The following AKR1C3 variants were observed in gnomAD, a reference collection of about 807,000 sequenced individuals.
AKR1C3 encodes the protein 3-alpha hydroxysteroid dehydrogenase, type II.
AKR1C3 carries 48 observed loss-of-function variants against 43.6 expected under a neutral mutation model. That is an observed-to-expected ratio of 1.10 (90% CI 0.87 to 1.40). The LOEUF is 1.40. Among genes scored for constraint, AKR1C3 ranks in the 40% most tolerant of loss-of-function variants. AKR1C3 has a pLI of 0.00. For synonymous variants in AKR1C3, 162 were observed against 139.6 expected, an observed-to-expected ratio of 1.16 and a Z score of -1.13; for missense variants, 482 against 391.2, an observed-to-expected ratio of 1.23 and a Z score of -1.96.
upstream of AKR1C3, among the ~76,000 whole-genome samples, chr10:5,091,336 C>T (rs918408947): frequency 6.6e-6 from 1 of 152,090 alleles, no homozygotes; most frequent in Admixed American, 6.6e-5. Context: ...TTAATTTTCT[C>T]GAAGTTCTGG....
chr10:5,072,837 A>G (rs2131806103), intron 1 of AKR1C3, among the ~76,000 whole-genome samples: 1 of 152,292 alleles, frequency 6.6e-6, no homozygotes, highest in Middle Eastern at 3.4e-3. Context: ...TCTCAAGAAG[A>G]TGCATGTAAG....
At chr10:5,094,223 TATA>T (rs1564367414), upstream of AKR1C3, 2 of 346,222 alleles carry the variant, frequency 5.8e-6, no homozygotes, top group East Asian at 6.9e-5. Context: ...AACCATATAT[TATA>T]ATAATTTACT....
chr10:5,084,990 G>A (rs1194949527), intron 1 of AKR1C3, among the ~76,000 whole-genome samples: 1 of 152,044 alleles, frequency 6.6e-6, no homozygotes, highest in Non-Finnish European at 1.5e-5. Context: ...GAGACAATGG[G>A]GTTTTCTAGA....
At chr10:5,069,984 A>G (rs1838585945) in intron 1 of AKR1C3, among the ~76,000 whole-genome samples, 1 of 152,186 alleles carries the variant, frequency 6.6e-6, no homozygotes, top group Non-Finnish European at 1.5e-5. Context: ...ATTGCCTTCA[A>G]TTTTCAAGGA....
At chr10:5,085,700 G>A (rs1174654333) in intron 1 of AKR1C3, among the ~76,000 whole-genome samples, 3 of 151,818 alleles carry the variant, frequency 2.0e-5, no homozygotes, top group Non-Finnish European at 4.4e-5. Context: ...GAATCCATCT[G>A]GTCCTGGACT....
intron 1 of AKR1C3, among the ~76,000 whole-genome samples, chr10:5,069,526 G>A (rs1465768528): frequency 6.6e-6 from 1 of 152,136 alleles, no homozygotes; most frequent in Non-Finnish European, 1.5e-5. Flanking sequence ...ACTGAATTAT[G>A]TGTTAACTAG....
chr10:5,062,480 C>G (rs1429952038), intron 1 of AKR1C3, among the ~76,000 whole-genome samples: 1 of 152,162 alleles, frequency 6.6e-6, no homozygotes, highest in African/African-American at 2.4e-5. Context: ...CAGGACAGAA[C>G]ATAATAATGT....
chr10:5,102,946 G>GTT (rs370945874), intron 7 of AKR1C3, among the ~76,000 whole-genome samples: 132 of 146,824 alleles, frequency 9.0e-4, no homozygotes, highest in African/African-American at 1.3e-3. Context: ...TTTGGTTTTG[G>GTT]TTTTTTTTTT....
chr10:5,103,367 T>G (rs1440141683), intron 7 of AKR1C3, among the ~76,000 whole-genome samples: 9 of 149,248 alleles, frequency 6.0e-5, no homozygotes, highest in African/African-American at 2.3e-4. Context: ...GTTGCTTGTC[T>G]TTTTTTTAAG....
Position 5,096,409 on chromosome 10 carries a change from G to C in AKR1C3, c.85-1G>C, listed in dbSNP as rs968925960. ...GATACTACCTTTGGTTGCTCCTCCA[G>C]GTTCCGAGAAGTAAAGCTTTGGAGG... On this transcript the variant is annotated splice_acceptor_variant, in intron 1 of 8. Transcript: ENST00000380554. LOFTEE classifies it high-confidence loss of function. 3.1e-6 allele frequency: 5 copies of C among 1,612,646 alleles called. No homozygotes were observed. The highest frequency in any genetic ancestry group is 8.5e-7 in the Non-Finnish European group (1 of 1,179,100).
At chr10:5,063,033 AATAG>A (rs1554780397) in intron 1 of AKR1C3, among the ~76,000 whole-genome samples, 1 of 152,190 alleles carries the variant, frequency 6.6e-6, no homozygotes, top group African/African-American at 2.4e-5. Flanking sequence ...AAGGAGAGGA[AATAG>A]ATAGTAACTA....
chr10:5,095,990 C>T (rs993703776), intron 1 of AKR1C3, among the ~76,000 whole-genome samples: 1 of 152,104 alleles, frequency 6.6e-6, no homozygotes, highest in African/African-American at 2.4e-5. Flanking sequence ...TTCCCAAATA[C>T]GATGTTGGAG....
At chr10:5,069,208 T>C (rs1405505659) in intron 1 of AKR1C3, among the ~76,000 whole-genome samples, 4 of 152,198 alleles carry the variant, frequency 2.6e-5, no homozygotes, top group East Asian at 3.9e-4. Context: ...GTAAGAAATA[T>C]TCTTTTGCAA....
intron 6 of AKR1C3, 99 bp downstream of exon 6, chr10:5,102,309 C>T: frequency 1.0e-5 from 16 of 1,582,192 alleles, no homozygotes; most frequent in Non-Finnish European, 1.4e-5. Flanking sequence ...TCAAGTGGCT[C>T]ATGGAGAGGA....
chr10:5,094,012 G>A (rs1839152197), upstream of AKR1C3: 1 of 152,992 alleles, frequency 6.5e-6, no homozygotes, highest in South Asian at 2.0e-4. Flanking sequence ...AGAGAAAGAC[G>A]TAAGATGGTT....
chr10:5,098,517 A>G (rs932899344), intron 3 of AKR1C3, among the ~76,000 whole-genome samples: 1 of 152,254 alleles, frequency 6.6e-6, no homozygotes, highest in Non-Finnish European at 1.5e-5. Context: ...AATAGAGGAA[A>G]TTATAAGGGC....
At chr10:5,098,904 AGAGAAG>A (rs1839280498) in intron 4 of AKR1C3, 25 bp downstream of exon 4, 2 of 1,566,506 alleles carry the variant, frequency 1.3e-6, no homozygotes, top group Admixed American at 3.7e-5. Context: ...GAGAGGACAC[AGAGAAG>A]GATGACAAAA....
At chr10:5,088,984 G>C (rs547635049) in intron 1 of AKR1C3, among the ~76,000 whole-genome samples, 2 of 152,140 alleles carry the variant, frequency 1.3e-5, no homozygotes, top group African/African-American at 4.8e-5. Context: ...TGAAGGGCTA[G>C]TCTAGTGGTG....
intron 1 of AKR1C3, among the ~76,000 whole-genome samples, chr10:5,056,540 A>G (rs1554779620): frequency 2.0e-5 from 3 of 152,148 alleles, no homozygotes. Flanking sequence ...ATGTTTAACA[A>G]TATTCTGTAA....
Sources: allele counts gnomAD v4.1 joint callset (sites outside exome capture counted in the v4.1 genomes callset), GRCh38; gene constraint gnomAD v4.1.1; transcripts MANE v1.5; gene names NCBI Gene and HGNC (gene_info 2026-07-23, HGNC 2026-07-21).